The following CSTPP1 variants were observed in gnomAD, a reference collection of about 807,000 sequenced individuals.
The protein encoded by CSTPP1 is centriolar satellite-associated tubulin polyglutamylase complex regulator 1.
At chr11:47,146,126 G>A in the CSTPP1 span, among the ~76,000 whole-genome samples, 1 of 152,012 alleles carries the variant, frequency 6.6e-6, no homozygotes, top group African/African-American at 2.4e-5. Flanking sequence ...ACTTTGGGAG[G>A]CCGAGGCGGG....
the CSTPP1 span, among the ~76,000 whole-genome samples, chr11:47,077,165 C>T: frequency 4.0e-5 from 6 of 148,802 alleles, no homozygotes; most frequent in South Asian, 8.4e-4. Flanking sequence ...TGTACCAAAC[C>T]GAACTATCAA....
At chr11:47,052,231 C>T in the CSTPP1 span, 3 of 903,950 alleles carry the variant, frequency 3.3e-6, no homozygotes, top group Non-Finnish European at 4.8e-6. Context: ...AAGAGACTTC[C>T]CCATAGAAGG....
the CSTPP1 span, among the ~76,000 whole-genome samples, chr11:47,107,853 A>G: frequency 7.5e-6 from 1 of 132,994 alleles, no homozygotes; most frequent in Admixed American, 7.7e-5. Context: ...GCTCGGTACA[A>G]TTCCCCCCCA....
the CSTPP1 span, among the ~76,000 whole-genome samples, chr11:47,077,755 CAG>C: frequency 6.6e-6 from 1 of 152,022 alleles, no homozygotes; most frequent in Admixed American, 6.5e-5. Context: ...AGTAGCAGGA[CAG>C]AAGGCTCTAG....
the CSTPP1 span, among the ~76,000 whole-genome samples, chr11:47,101,190 A>ATT: frequency 3.2e-5 from 2 of 62,614 alleles, no homozygotes; most frequent in African/African-American, 1.4e-4. Context: ...TTTTTTTTTT[A>ATT]TTTTATTTTT....
At chr11:46,993,647 G>T in the CSTPP1 span, among the ~76,000 whole-genome samples, 2 of 151,964 alleles carry the variant, frequency 1.3e-5, no homozygotes, top group East Asian at 3.9e-4. Flanking sequence ...TCTCTGTTTT[G>T]GTACCAGTAC....
At chr11:46,975,916 G>A in the CSTPP1 span, among the ~76,000 whole-genome samples, 1 of 152,206 alleles carries the variant, frequency 6.6e-6, no homozygotes, top group African/African-American at 2.4e-5. Flanking sequence ...GACGATGTGG[G>A]AGGACTTAAG....
chr11:47,006,912 A>G, the CSTPP1 span, among the ~76,000 whole-genome samples: 3 of 144,560 alleles, frequency 2.1e-5, no homozygotes, highest in Non-Finnish European at 3.0e-5. Context: ...CTTTACTCCT[A>G]TTGGGATTCT....
At chr11:46,970,789 A>G in the CSTPP1 span, among the ~76,000 whole-genome samples, 1 of 152,186 alleles carries the variant, frequency 6.6e-6, no homozygotes, top group Non-Finnish European at 1.5e-5. Flanking sequence ...CAGTCCTGTC[A>G]AGCAGTCAAA....
chr11:47,008,649 A>C, the CSTPP1 span, among the ~76,000 whole-genome samples: 1 of 152,248 alleles, frequency 6.6e-6, no homozygotes, highest in Non-Finnish European at 1.5e-5. Context: ...CCAATATCTG[A>C]GATTTCTATT....
chr11:47,053,157 G>A, the CSTPP1 span, among the ~76,000 whole-genome samples: 1 of 152,166 alleles, frequency 6.6e-6, no homozygotes, highest in Non-Finnish European at 1.5e-5. Flanking sequence ...CATGGATAAA[G>A]GAGAGAAGGG....
the CSTPP1 span, among the ~76,000 whole-genome samples, chr11:47,051,398 TA>T: frequency 3.3e-5 from 5 of 152,200 alleles, no homozygotes; most frequent in African/African-American, 9.7e-5. Flanking sequence ...CAATGGAGTA[TA>T]TTTTTTTCCC....
chr11:47,161,014 G>A, the CSTPP1 span: 435 of 1,369,892 alleles, frequency 3.2e-4, 3 homozygotes, highest in East Asian at 7.3e-3. Flanking sequence ...TCTTTAGATC[G>A]GCCCTCGCAG....
the CSTPP1 span, among the ~76,000 whole-genome samples, chr11:47,072,953 T>G: frequency 6.6e-6 from 1 of 152,158 alleles, no homozygotes; most frequent in South Asian, 2.1e-4. Context: ...AGAGTACTAT[T>G]TATATAAAAT....
chr11:46,953,530 T>C, the CSTPP1 span, among the ~76,000 whole-genome samples: 1 of 152,172 alleles, frequency 6.6e-6, no homozygotes, highest in Non-Finnish European at 1.5e-5. Flanking sequence ...ACCATATTTA[T>C]CCAGAAGGCA....
At chr11:47,075,926 CAAAAAAAAAAA>C in the CSTPP1 span, among the ~76,000 whole-genome samples, 15 of 35,826 alleles carry the variant, frequency 4.2e-4, no homozygotes, top group Admixed American at 1.2e-3. Context: ...GATTCATTCT[CAAAAAAAAAAA>C]AAAAAAAAAA....
the CSTPP1 span, among the ~76,000 whole-genome samples, chr11:47,014,063 G>C: frequency 6.6e-6 from 1 of 152,052 alleles, no homozygotes; most frequent in Non-Finnish European, 1.5e-5. Flanking sequence ...AACAAAATTA[G>C]CCATGCATGG....
the CSTPP1 span, among the ~76,000 whole-genome samples, chr11:47,152,820 C>G: frequency 2.0e-5 from 3 of 152,188 alleles, no homozygotes; most frequent in Non-Finnish European, 4.4e-5. Context: ...CGGGGAAAGC[C>G]TTGGGCTCCC....
the CSTPP1 span, among the ~76,000 whole-genome samples, chr11:47,080,084 A>G: frequency 6.6e-6 from 1 of 152,032 alleles, no homozygotes; most frequent in Non-Finnish European, 1.5e-5. Context: ...AAACATGAGT[A>G]AAACTCCATC....
Sources: allele counts gnomAD v4.1 joint callset (sites outside exome capture counted in the v4.1 genomes callset), GRCh38; gene constraint gnomAD v4.1.1; transcripts MANE v1.5; gene names NCBI Gene and HGNC (gene_info 2026-07-23, HGNC 2026-07-21).